RAD51: variants seen among roughly 807,000 people sequenced by gnomAD.
The protein encoded by RAD51 is RAD51 recombinase.
In RAD51, 14 loss-of-function variants were observed where a neutral mutation model predicts 41.5. The observed-to-expected ratio is 0.34, with a 90% CI of 0.22 to 0.53. The LOEUF is 0.53. RAD51 is among the 20% of genes least tolerant of loss of function. The pLI is 0.95. For missense variants in RAD51, 234 were observed against 422.0 expected, an observed-to-expected ratio of 0.55 and a Z score of 3.90; for synonymous variants, 136 against 148.6, an observed-to-expected ratio of 0.92 and a Z score of 0.62.
At chr15:40,716,936 A>G (rs1596005254) in intron 5 of RAD51, among the ~76,000 whole-genome samples, 1 of 151,938 alleles carries the variant, frequency 6.6e-6, no homozygotes, top group Non-Finnish European at 1.5e-5. Flanking sequence ...TGCTGGGATT[A>G]CAGGCGTTAG....
intron 5 of RAD51, among the ~76,000 whole-genome samples, chr15:40,710,707 A>G (rs1294879184): frequency 6.6e-6 from 1 of 152,110 alleles, no homozygotes; most frequent in Non-Finnish European, 1.5e-5. Flanking sequence ...TTCTTAGCCA[A>G]AAACCTAACC....
At position 40,718,926 on chromosome 15, in the gene RAD51, A is replaced by ACTAT. The variant is rs770276992; in HGVS notation, c.530+28_530+31dup. ...TAGGTTACTGGTTTAGATAAGAGAG[A>ACTAT]CTATGGCTACACTTATCAATGTAGT... On this transcript the variant is annotated intron_variant, in intron 6 of 9. Transcript: ENST00000267868. The ACTAT allele has an allele frequency of 5.8e-6, 9 of 1,547,558 alleles. No individual in the cohort carries two copies. The African/African-American group carries it at 1.2e-4, about 21-fold the overall frequency.
chr15:40,702,699 G>A (rs186933454), intron 3 of RAD51, among the ~76,000 whole-genome samples: 161 of 151,998 alleles, frequency 1.1e-3, no homozygotes, highest in African/African-American at 3.7e-3. Context: ...TGTATTTTCA[G>A]TTGAGACGGG....
At chr15:40,705,364 A>G (rs1282833625) in intron 3 of RAD51, among the ~76,000 whole-genome samples, 1 of 152,178 alleles carries the variant, frequency 6.6e-6, no homozygotes, top group Non-Finnish European at 1.5e-5. Context: ...TGTAATTACA[A>G]AATAGAATGT....
intron 5 of RAD51, among the ~76,000 whole-genome samples, chr15:40,718,481 G>C (rs1896095786): frequency 1.3e-5 from 2 of 150,358 alleles, no homozygotes; most frequent in South Asian, 4.2e-4. Flanking sequence ...TAACGCCACT[G>C]CACTCCAGCC....
At chr15:40,729,267 G>A (rs1472480749) in intron 7 of RAD51, among the ~76,000 whole-genome samples, 7 of 151,178 alleles carry the variant, frequency 4.6e-5, no homozygotes, top group South Asian at 2.1e-4. Flanking sequence ...CAGCTACTCC[G>A]GAGGCTGAAG....
At chr15:40,718,301 T>C (rs534173069) in intron 5 of RAD51, among the ~76,000 whole-genome samples, 1 of 152,244 alleles carries the variant, frequency 6.6e-6, no homozygotes, top group East Asian at 1.9e-4. Context: ...GCAGATCACC[T>C]GAGGTCAGGA....
intron 1 of RAD51, among the ~76,000 whole-genome samples, chr15:40,697,846 T>C (rs556513182): frequency 1.3e-3 from 195 of 152,268 alleles, no homozygotes; most frequent in African/African-American, 4.5e-3. Context: ...CCACTCCACC[T>C]GGCCCAAGAT....
chr15:40,718,657 C>A (rs1029612864), intron 5 of RAD51, 148 bp from the exon 6 acceptor site: 25 of 701,640 alleles, frequency 3.6e-5, no homozygotes, highest in Non-Finnish European at 5.4e-5. Context: ...CTATTAATAT[C>A]AGAAGGGAAT....
chr15:40,726,757 A>G (rs569971530), intron 6 of RAD51, among the ~76,000 whole-genome samples: 3 of 151,670 alleles, frequency 2.0e-5, no homozygotes, highest in Non-Finnish European at 4.4e-5. Context: ...TACTAAAAAT[A>G]AAAAAATTAG....
intron 5 of RAD51, among the ~76,000 whole-genome samples, chr15:40,713,994 C>CTTTTTTTTTTTTT (rs749995356): frequency 3.5e-5 from 4 of 114,934 alleles, no homozygotes; most frequent in African/African-American, 9.9e-5. Flanking sequence ...GAAATAAATT[C>CTTTTTTTTTTTTT]TTTTTTTTTT....
chr15:40,725,759 G>T (rs147230028), intron 6 of RAD51, among the ~76,000 whole-genome samples: 13 of 152,174 alleles, frequency 8.5e-5, no homozygotes, highest in African/African-American at 3.1e-4. Flanking sequence ...GAGGCCAAGG[G>T]AGTGGATCAC....
rs745659621 is a variant in RAD51, at chr15:40,731,142, C to A, written c.984C>A (p.Ala328=). ...PCLPEAEAMF[A]INADGVGDAK... Reference sequence around the variant, plus strand: ...TTCCTGAAGCTGAAGCTATGTTCGCCATTAATGCAGATGGAGTGGGAGATG... The same window carrying A: ...TTCCTGAAGCTGAAGCTATGTTCGCAATTAATGCAGATGGAGTGGGAGATG... Residue 328 remains alanine, a synonymous_variant, in exon 10 of 10, where the codon GCC becomes GCA. Transcript: ENST00000267868. 4.0e-5 allele frequency: 65 copies of A among 1,613,958 alleles called. No individual in the cohort carries two copies. The highest frequency in any genetic ancestry group is 5.2e-5 in the Non-Finnish European group (61 of 1,180,010).
intron 5 of RAD51, among the ~76,000 whole-genome samples, chr15:40,715,956 C>G (rs138887886): frequency 6.6e-6 from 1 of 152,198 alleles, no homozygotes; most frequent in South Asian, 2.1e-4. Context: ...CCAAGTCTTT[C>G]TTTAGGCATG....
intron 3 of RAD51, among the ~76,000 whole-genome samples, chr15:40,702,361 G>A (rs1042913335): frequency 1.3e-5 from 2 of 152,144 alleles, no homozygotes; most frequent in Non-Finnish European, 2.9e-5. Context: ...CTTGGTTTCA[G>A]AAATCAAGTC....
chr15:40,717,822 G>A (rs1288581491), intron 5 of RAD51, among the ~76,000 whole-genome samples: 1 of 152,190 alleles, frequency 6.6e-6, no homozygotes, highest in Non-Finnish European at 1.5e-5. Flanking sequence ...ATATAGACAT[G>A]CTAAAATTAA....
intron 5 of RAD51, among the ~76,000 whole-genome samples, chr15:40,716,678 T>TTTTTTTA (rs1896006821): frequency 8.8e-6 from 1 of 113,758 alleles, no homozygotes; most frequent in African/African-American, 3.1e-5. Flanking sequence ...TTTTTTTTTT[T>TTTTTTTA]GAGATGGAAT....
intron 5 of RAD51, among the ~76,000 whole-genome samples, chr15:40,710,009 G>A (rs1269758268): frequency 1.1e-4 from 16 of 151,920 alleles, no homozygotes; most frequent in African/African-American, 2.4e-5. Flanking sequence ...TTGGGAGGCC[G>A]AGGTGGGCGG....
intron 3 of RAD51, chr15:40,701,914 G>A (rs1471711817): frequency 2.7e-6 from 1 of 369,300 alleles, no homozygotes; most frequent in Non-Finnish European, 5.3e-6. Context: ...CTCCCGAGTA[G>A]TTGGGACTAC....
Sources: gnomAD v4.1 joint callset for allele counts (sites outside exome capture counted in the v4.1 genomes callset) on GRCh38, gnomAD v4.1.1 for gene constraint, MANE v1.5 for transcripts, NCBI Gene and HGNC (gene_info 2026-07-23, HGNC 2026-07-21) for gene names.